The following ITGA1 variants were observed in gnomAD, a reference collection of about 807,000 sequenced individuals.
ITGA1 encodes integrin subunit alpha 1, also known as integrin alpha-1.
Under a neutral mutation model 145.9 loss-of-function variants are expected in ITGA1, and 85 were observed. The ratio of observed to expected loss-of-function variants is 0.58; its 90% CI spans 0.49 to 0.70. The LOEUF is 0.70. Among genes scored for constraint, ITGA1 ranks in the 30% least tolerant of loss-of-function variants. The pLI is 0.00. For synonymous variants in ITGA1, 520 were observed against 495.3 expected (o/e 1.05, Z -0.66); for missense variants, 1,351 against 1,418.7 (o/e 0.95, Z 0.77).
intron 1 of ITGA1, among the ~76,000 whole-genome samples, chr5:52,832,474 T>C (rs539757573): frequency 6.6e-6 from 1 of 152,308 alleles, no homozygotes; most frequent in African/African-American, 2.4e-5. Flanking sequence ...TCAAATTAAA[T>C]AATAGCTGAG....
At chr5:52,935,272 C>T (rs1240074532) in intron 23 of ITGA1, among the ~76,000 whole-genome samples, 2 of 151,802 alleles carry the variant, frequency 1.3e-5, no homozygotes, top group East Asian at 1.9e-4. Flanking sequence ...AAGTTTACTG[C>T]TCGGAATTTT....
intron 6 of ITGA1, among the ~76,000 whole-genome samples, chr5:52,869,327 A>C (rs1749741133): frequency 6.6e-6 from 1 of 151,766 alleles, no homozygotes; most frequent in South Asian, 2.1e-4. Context: ...TGCCCAACTA[A>C]TTTTTGTATT....
intron 1 of ITGA1, among the ~76,000 whole-genome samples, chr5:52,836,447 G>C (rs1057023616): frequency 6.6e-6 from 1 of 152,082 alleles, no homozygotes; most frequent in African/African-American, 2.4e-5. Flanking sequence ...TCATAATATA[G>C]TGCCAATTTG....
chr5:52,855,612 A>G (rs1749500912), intron 2 of ITGA1, among the ~76,000 whole-genome samples: 1 of 152,178 alleles, frequency 6.6e-6, no homozygotes, highest in Admixed American at 6.5e-5. Flanking sequence ...AAGTTAATAA[A>G]CAGGTAGGTT....
rs990238214 is a variant in ITGA1 at position 52,788,124 on chromosome 5, G to A, written c.-230G>A. On this transcript the variant is annotated 5_prime_UTR_variant, in exon 1 of 29. Transcript: ENST00000282588. ...TCAGAGACCAAGAGCGCGAAGGGGC[G>A]GGCGATGTGGCAATCCGTCTGGGAT... 1.9e-5 allele frequency: 8 copies of A among 432,378 alleles called. No homozygotes were observed. The highest frequency in any genetic ancestry group is 2.9e-5 in the Non-Finnish European group (7 of 243,074). 26.8% of individuals were successfully genotyped at this position (432,378 alleles called of 1,614,324 possible).
chr5:52,800,232 G>C, intron 1 of ITGA1: 1 of 663,688 alleles, frequency 1.5e-6, no homozygotes, highest in Non-Finnish European at 2.6e-6. Flanking sequence ...TGCTGCCCTA[G>C]GCTGCATGAG....
chr5:52,865,541 A>G (rs914260857), intron 5 of ITGA1, 149 bp from the exon 6 acceptor site: 70 of 591,016 alleles, frequency 1.2e-4, no homozygotes, highest in Non-Finnish European at 1.7e-4. Flanking sequence ...TACTTTTTCG[A>G]AAACTATTTT....
At chr5:52,918,249 G>A (rs999724187) in intron 15 of ITGA1, among the ~76,000 whole-genome samples, 1 of 152,130 alleles carries the variant, frequency 6.6e-6, no homozygotes, top group Non-Finnish European at 1.5e-5. Context: ...AAATGAAATA[G>A]CATCCATGTC....
chr5:52,810,211 T>G (rs1748663977), intron 1 of ITGA1, among the ~76,000 whole-genome samples: 1 of 152,144 alleles, frequency 6.6e-6, no homozygotes, highest in Non-Finnish European at 1.5e-5. Flanking sequence ...CAGGATTAAC[T>G]GGTTGGTGGC....
intron 1 of ITGA1, among the ~76,000 whole-genome samples, chr5:52,812,266 TTG>T (rs1748693761): frequency 6.6e-6 from 1 of 152,200 alleles, no homozygotes; most frequent in Non-Finnish European, 1.5e-5. Context: ...ACCGATCAAT[TTG>T]TGAATATTTA....
At chr5:52,884,719 ATAG>A (rs1750020065) in intron 7 of ITGA1, among the ~76,000 whole-genome samples, 2 of 152,174 alleles carry the variant, frequency 1.3e-5, no homozygotes, top group South Asian at 4.1e-4. Flanking sequence ...AGGCAGATAA[ATAG>A]TAGGAAAAAT....
intron 1 of ITGA1, among the ~76,000 whole-genome samples, chr5:52,843,942 GTTA>G (rs1298686997): frequency 6.6e-6 from 1 of 151,846 alleles, no homozygotes; most frequent in Non-Finnish European, 1.5e-5. Flanking sequence ...TATCATTACT[GTTA>G]TTATTATTAT....
In ITGA1 at chr5:52,934,004, A is replaced by T. The variant is rs780543201; in HGVS notation, c.2964+8A>T. 2.5e-6 allele frequency: 3 copies of T among 1,194,382 alleles called. No homozygotes were observed. The South Asian group carries it at 5.3e-5, about 21-fold the overall frequency. 74.0% of individuals were successfully genotyped at this position (1,194,382 alleles called of 1,614,324 possible). On this transcript the variant is annotated splice_region_variant and intron_variant, in intron 23 of 28. Transcript: ENST00000282588. ...ATTAATATCTTCTACTTGGTAAGAA[A>T]TTACCTCTAAAATAGTATTCTAAAG... is the stretch of plus-strand genomic sequence containing the variant.
chr5:52,801,612 A>G, intron 1 of ITGA1: 1 of 1,614,150 alleles, frequency 6.2e-7, no homozygotes, highest in South Asian at 1.1e-5. Flanking sequence ...CAATTGACAC[A>G]TTGCTCATCA....
At chr5:52,798,269 A>C (rs1264051707) in intron 1 of ITGA1, among the ~76,000 whole-genome samples, 1 of 152,182 alleles carries the variant, frequency 6.6e-6, no homozygotes, top group East Asian at 1.9e-4. Context: ...GGAAGGTGGG[A>C]AGAAGGAGGA....
chr5:52,868,820 C>A (rs1174519633), intron 6 of ITGA1, among the ~76,000 whole-genome samples: 1 of 152,194 alleles, frequency 6.6e-6, no homozygotes, highest in East Asian at 1.9e-4. Flanking sequence ...AAGAGAGAAG[C>A]TGATTATATT....
In ITGA1 at chr5:52,910,275, T is replaced by C; in HGVS notation, c.1713T>C (p.Phe571=). ...AAAATGAGCCATGCGGGGCTCGTTT[T>C]GGAACTGCAATTGCTGCTGTAAAAG... ...ENKNEPCGAR[F]GTAIAAVKDL... Residue 571 remains phenylalanine (F), a synonymous_variant, in exon 14 of 29, where the codon TTT becomes TTC. Transcript: ENST00000282588. 1 of 1,613,988 alleles carries C rather than the reference T, an allele frequency of 6.2e-7. No homozygotes were observed. The highest frequency in any genetic ancestry group is 8.5e-7 in the Non-Finnish European group (1 of 1,179,952).
chr5:52,861,878 A>G (rs1386983854), intron 3 of ITGA1, among the ~76,000 whole-genome samples: 1 of 151,526 alleles, frequency 6.6e-6, no homozygotes, highest in Non-Finnish European at 1.5e-5. Context: ...TCAAAAAAAA[A>G]AAAAAAAAAA....
chr5:52,849,101 G>A (rs1339621102), intron 1 of ITGA1, among the ~76,000 whole-genome samples: 4 of 152,166 alleles, frequency 2.6e-5, no homozygotes, highest in Non-Finnish European at 5.9e-5. Flanking sequence ...CCAGTAATGG[G>A]ATGGCTGGGT....
Sources: gnomAD v4.1 joint callset for allele counts (sites outside exome capture counted in the v4.1 genomes callset) on GRCh38, gnomAD v4.1.1 for gene constraint, MANE v1.5 for transcripts, NCBI Gene and HGNC (gene_info 2026-07-23, HGNC 2026-07-21) for gene names.